The following PCDH15 variants were observed in gnomAD, a reference collection of about 807,000 sequenced individuals.
PCDH15 encodes the protein protocadherin-15.
In PCDH15, 129 loss-of-function variants were observed where a neutral mutation model predicts 178.5. That is an observed-to-expected ratio of 0.72 (90% confidence interval 0.63 to 0.84). The LOEUF (loss-of-function observed/expected upper bound fraction) is 0.84, where lower values mean the gene tolerates loss of function less well. Ranked by LOEUF, PCDH15 falls within the 40% of genes least tolerant of loss-of-function variation. The probability of loss-of-function intolerance (pLI) is 0.00; values close to 1 mark genes in which losing one functional copy is unlikely to be tolerated. For missense variants in PCDH15, 2,230 were observed against 2,099.9 expected, an observed-to-expected ratio of 1.06 and a Z score of -1.21; for synonymous variants, 800 against 732.0, an observed-to-expected ratio of 1.09 and a Z score of -1.50.
In PCDH15 at chr10:53,803,539, A is replaced by C. The variant is rs1840990908; in HGVS notation, c.*3040T>G. The C allele has an allele frequency of 6.6e-6, 1 of 151,990 alleles. No individual in the cohort carries two copies. The allele number at this position is 151,990 out of a possible 1,614,324, so 9.4% of individuals were successfully genotyped here. A position where few individuals can be genotyped will look rare whatever the true frequency, so the allele number is the denominator to read the frequency against. On this transcript the variant is annotated 3_prime_UTR_variant, in exon 38 of 38. Transcript: ENST00000644397. ...ACATGAATGACATATCACATATAAA[A>C]TTCAAGGCAAACTTTCTTCTGTATT...
intron 1 of PCDH15, among the ~76,000 whole-genome samples, chr10:54,755,935 A>G (rs1370622334): frequency 1.3e-5 from 2 of 152,058 alleles, no homozygotes; most frequent in African/African-American, 4.8e-5. Flanking sequence ...TGTAAACACC[A>G]TGAGACAAGG....
At chr10:53,987,577 A>C (rs1179172723) in intron 21 of PCDH15, among the ~76,000 whole-genome samples, 1 of 152,224 alleles carries the variant, frequency 6.6e-6, no homozygotes, top group Non-Finnish European at 1.5e-5. Flanking sequence ...TATAATGAAA[A>C]TAAACTTACA....
intron 2 of PCDH15, among the ~76,000 whole-genome samples, chr10:54,641,261 A>C (rs2093980849): frequency 6.6e-6 from 1 of 152,178 alleles, no homozygotes; most frequent in South Asian, 2.1e-4. Flanking sequence ...AAATGCACAA[A>C]ATAATCACTT....
At chr10:55,108,095 A>G (rs1400960988) in intron 2 of PCDH15, among the ~76,000 whole-genome samples, 2 of 152,244 alleles carry the variant, frequency 1.3e-5, no homozygotes, top group Middle Eastern at 6.8e-3. Context: ...AAAGTGAGAA[A>G]CCAGCCATTT....
At chr10:55,551,331 A>G (rs1407293292) in intron 2 of PCDH15, among the ~76,000 whole-genome samples, 1 of 152,000 alleles carries the variant, frequency 6.6e-6, no homozygotes, top group African/African-American at 2.4e-5. Flanking sequence ...GTTACTGTTG[A>G]CAATAGCAAT....
At chr10:53,809,034 C>G in intron 37 of PCDH15, 3 of 1,603,808 alleles carry the variant, frequency 1.9e-6, no homozygotes, top group Non-Finnish European at 2.6e-6. Context: ...CCTTGACTTC[C>G]TTGACCTCCT....
chr10:54,658,613 A>T (rs895120244), intron 2 of PCDH15, among the ~76,000 whole-genome samples: 2 of 152,206 alleles, frequency 1.3e-5, no homozygotes, highest in African/African-American at 4.8e-5. Context: ...TCACCCATAG[A>T]CTGGTCCTTC....
intron 1 of PCDH15, among the ~76,000 whole-genome samples, chr10:55,262,858 GC>G (rs1310235458): frequency 6.6e-6 from 1 of 152,122 alleles, no homozygotes; most frequent in Non-Finnish European, 1.5e-5. Context: ...ACTAACACAA[GC>G]TGCCTATAAA....
chr10:53,821,840 A>G (rs1236370890), intron 32 of PCDH15: 3 of 1,611,510 alleles, frequency 1.9e-6, no homozygotes, highest in African/African-American at 1.3e-5. Context: ...TTGCCCGACT[A>G]AAATAAGAAA....
intron 2 of PCDH15, among the ~76,000 whole-genome samples, chr10:54,915,290 C>T (rs1954881874): frequency 6.6e-6 from 1 of 152,030 alleles, no homozygotes; most frequent in African/African-American, 2.4e-5. Context: ...AGATTGAACC[C>T]ACTACAAAGC....
In PCDH15 at chr10:53,971,238, C is replaced by T. The variant is rs907214278; in HGVS notation, c.2869-9346G>A. 7.2e-5 allele frequency among the ~76,000 whole-genome samples: 11 copies of T among 152,142 alleles called. No individual in the cohort carries two copies. In the East Asian group the frequency reaches 2.1e-3, roughly 29 times the overall value. On this transcript the variant is annotated intron_variant, in intron 21 of 37. Coordinates refer to ENST00000644397, the MANE Select transcript of PCDH15 (RefSeq NM_001384140.1). ...AAAGGCATTTGACAAAATTCAACAG[C>T]CCTTCCTGCTAAAAACTCTCAATAA...
At chr10:54,455,807 C>G (rs887759795) in intron 3 of PCDH15, among the ~76,000 whole-genome samples, 3 of 152,090 alleles carry the variant, frequency 2.0e-5, no homozygotes, top group Admixed American at 6.6e-5. Flanking sequence ...TTCCGACAAC[C>G]CATGCAGCCT....
At chr10:54,760,499 T>C (rs927209354) in intron 1 of PCDH15, among the ~76,000 whole-genome samples, 3 of 152,198 alleles carry the variant, frequency 2.0e-5, no homozygotes, top group Non-Finnish European at 4.4e-5. Flanking sequence ...CTAAATATCT[T>C]ATTCAAATTA....
At chr10:54,887,007 G>A (rs1388263270) in intron 3 of PCDH15, among the ~76,000 whole-genome samples, 2 of 152,130 alleles carry the variant, frequency 1.3e-5, no homozygotes, top group African/African-American at 4.8e-5. Flanking sequence ...GCATGTGTTA[G>A]TTTGGGATAG....
intron 10 of PCDH15, among the ~76,000 whole-genome samples, chr10:54,206,353 GGAACGTGA>G (rs1403526496): frequency 6.6e-6 from 1 of 152,080 alleles, no homozygotes; most frequent in Non-Finnish European, 1.5e-5. Context: ...GCTGGTGTTT[GGAACGTGA>G]GAATCATCTT....
intron 1 of PCDH15, among the ~76,000 whole-genome samples, chr10:55,261,997 A>C (rs926111738): frequency 4.0e-5 from 6 of 151,264 alleles, no homozygotes; most frequent in Admixed American, 2.6e-4. Context: ...TGCTGGGAGA[A>C]AGAAAGAAAG....
intron 29 of PCDH15, among the ~76,000 whole-genome samples, chr10:53,837,931 A>C (rs1030333660): frequency 9.9e-5 from 15 of 150,960 alleles, no homozygotes; most frequent in Non-Finnish European, 1.8e-4. Flanking sequence ...TGGCTATTCT[A>C]TCTTTTCTTC....
chr10:54,286,942 C>T (rs2059066033), intron 8 of PCDH15, among the ~76,000 whole-genome samples: 1 of 152,168 alleles, frequency 6.6e-6, no homozygotes, highest in South Asian at 2.1e-4. Flanking sequence ...ATGTTAATGT[C>T]TATCATTATA....
chr10:54,216,766 T>G (rs1282975760), intron 9 of PCDH15, among the ~76,000 whole-genome samples: 1 of 152,156 alleles, frequency 6.6e-6, no homozygotes, highest in Non-Finnish European at 1.5e-5. Context: ...TAATGTTTAC[T>G]TTTTGACCCA....
Sources: gnomAD v4.1 joint callset for allele counts (sites outside exome capture counted in the v4.1 genomes callset) on GRCh38, gnomAD v4.1.1 for gene constraint, MANE v1.5 for transcripts, NCBI Gene and HGNC (gene_info 2026-07-23, HGNC 2026-07-21) for gene names.